Variants in PNMA8A observed in about 807,000 individuals in gnomAD.
The protein encoded by PNMA8A is paraneoplastic antigen-like protein 8A.
A neutral mutation model predicts 26.6 loss-of-function variants in PNMA8A; 17 were observed. That is an observed-to-expected ratio of 0.64 (90% CI 0.44 to 0.96). The LOEUF is 0.96. Among genes scored for constraint, PNMA8A ranks in the 40% least tolerant of loss-of-function variants. The pLI is 0.00. For missense variants in PNMA8A, 532 were observed against 488.4 expected, an observed-to-expected ratio of 1.09 and a Z score of -0.84; for synonymous variants, 224 against 182.0, an observed-to-expected ratio of 1.23 and a Z score of -1.86.
Position 46,467,598 on chromosome 19 carries a change from T to C in PNMA8A, c.*963A>G, listed in dbSNP as rs1340581141. The C allele has an allele frequency of 6.6e-6, 1 of 152,034 alleles. No individual in the cohort carries two copies. The highest frequency in any genetic ancestry group is 2.4e-5 in the African/African-American group (1 of 41,340). 9.4% of individuals were successfully genotyped at this position (152,034 alleles called of 1,614,324 possible). ...CCAGCTAATTTTTGTAGAGATGGGG[T>C]TTCACCATGTTGGTCAAGCTGGTCT... On this transcript the variant is annotated 3_prime_UTR_variant, in exon 3 of 3. Transcript: ENST00000313683.
chr19:46,470,649 C>T lies in PNMA8A; in HGVS notation c.387G>A (p.Gln129=). The T allele has an allele frequency of 6.5e-7, 1 of 1,531,748 alleles. No homozygotes were observed. The highest frequency in any genetic ancestry group is 9.1e-7 in the Non-Finnish European group (1 of 1,104,788). 94.9% of individuals were successfully genotyped at this position (1,531,748 alleles called of 1,614,324 possible). ...RTWEDVVRLL[Q]LNHPTLSQNQ... ...TCTGGGACAGGGTGGGGTGGTTGAG[C>T]TGGAGCAGGCGGACCACATCCTCCC... is the stretch of plus-strand genomic sequence containing the variant. The change falls in exon 2 of 3, where the codon CAG becomes CAA. Residue 129 remains glutamine (Q), a synonymous_variant. Transcript: ENST00000313683.
chr19:46,470,118 G>A lies in PNMA8A; in HGVS notation c.918C>T (p.Pro306=). 6.2e-7 allele frequency: 1 copy of A among 1,607,136 alleles called. No individual in the cohort carries two copies. The change falls in exon 2 of 3, where the codon CCC becomes CCT. Residue 306 remains proline, a synonymous_variant. Coordinates refer to ENST00000313683, the MANE Select transcript of PNMA8A (RefSeq NM_018215.4). ...VNKEELALKK[P]MAKCAWKGPR... ...GACCCTTCCAGGCACATTTCGCCAT[G>A]GGCTTCTTCAAAGCCAACTCCTCCT...
chr19:46,470,187 C>A lies in PNMA8A; in HGVS notation c.849G>T (p.Ala283=). Residue 283 remains alanine (A), a synonymous_variant, in exon 2 of 3, where the codon GCG becomes GCT. Transcript: ENST00000313683. ...TGCTGCCCTTGATCGGCTCTGAGAT[C>A]GCCATGCTTTCAGCATCACCCACCT... The part of the protein sequence containing the change: ...DPEVGDAESM[A]ISEPIKGSRK... The A allele has an allele frequency of 1.2e-6, 2 of 1,614,204 alleles. No individual in the cohort carries two copies. Among genetic ancestry groups the A allele is most frequent in the Non-Finnish European group, 1.7e-6 (2 of 1,180,042 alleles).
Position 46,470,273 on chromosome 19 carries a change from C to G in PNMA8A, c.763G>C (p.Val255Leu), listed in dbSNP as rs1425706349. The G allele has an allele frequency of 6.2e-7, 1 of 1,613,846 alleles. No homozygotes were observed. The highest frequency in any genetic ancestry group is 1.1e-5 in the South Asian group (1 of 91,090). ...KQKKNSRQEA[V>L]PWKKPKGINS... is the part of the protein sequence containing the mutation. Reference sequence around the variant, plus strand: ...ATGCCTTTGGGTTTTTTCCAGGGCACTGCTTCCTGCCTGGAGTTCTTCTTC... The same window carrying G: ...ATGCCTTTGGGTTTTTTCCAGGGCAGTGCTTCCTGCCTGGAGTTCTTCTTC... The change falls in exon 2 of 3, where the codon GTG becomes CTG. Residue 255 changes from valine to leucine, a missense_variant. By Grantham distance (32) the Val-to-Leu change is conservative. Transcript: ENST00000313683.
In PNMA8A at chr19:46,468,318, GAGA is replaced by G. The variant is rs954385326; in HGVS notation, c.*240_*242del. 5.9e-5 allele frequency: 29 copies of G among 489,132 alleles called. No homozygotes were observed. The highest frequency in any genetic ancestry group is 1.8e-4 in the East Asian group (6 of 33,548). 30.3% of individuals were successfully genotyped at this position (489,132 alleles called of 1,614,324 possible). ...TCTTACCAACTCTCCTGCCTCCGAA[GAGA>G]AGGTGAGTAGAGAAGGCGGTGAAAC... is the stretch of plus-strand genomic sequence containing the variant. On this transcript the variant is annotated 3_prime_UTR_variant, in exon 3 of 3. Coordinates refer to ENST00000313683, the MANE Select transcript of PNMA8A (RefSeq NM_018215.4).
At chr19:46,469,000 T>C (rs1453091395) in intron 2 of PNMA8A, among the ~76,000 whole-genome samples, 1 of 152,154 alleles carries the variant, frequency 6.6e-6, no homozygotes, top group East Asian at 1.9e-4. Context: ...CATGCCCAGC[T>C]AATTTTTGTA....
At position 46,470,918 on chromosome 19, in the gene PNMA8A, C is replaced by A. The variant is rs767161962; in HGVS notation, c.118G>T (p.Glu40Ter). ...GAGAGGACCCCATTCAAGGTCTCCT[C>A]AATTTCTGCCTGCCCACAGTCCTCT... ...IPEDCGQAEI[E>*]ETLNGVLSPL... The change falls in exon 2 of 3, where the codon GAG (glutamate) becomes TAG (stop). Residue 40 changes from glutamate to a stop codon, truncating the protein, a stop_gained. Transcript: ENST00000313683. LOFTEE classifies it high-confidence loss of function. 1 of 780,886 alleles carries A rather than the reference C, an allele frequency of 1.3e-6. No homozygotes were observed. The highest frequency in any genetic ancestry group is 2.4e-6 in the Non-Finnish European group (1 of 418,126). The allele number at this position is 780,886 out of a possible 1,614,324, so 48.4% of individuals were successfully genotyped here. A position where few individuals can be genotyped will look rare whatever the true frequency, so the allele number is the denominator to read the frequency against.
rs1398922445 is a variant in PNMA8A at position 46,467,030 on chromosome 19, C to T, written c.*1531G>A. ...GCTTTCAGGGTGTCAGATTATAGAA[C>T]ATGCACAGGAATTTCTTCCACTTCT... On this transcript the variant is annotated 3_prime_UTR_variant, in exon 3 of 3. Transcript: ENST00000313683. 1 of 152,184 alleles carries T rather than the reference C, an allele frequency of 6.6e-6. No individual in the cohort carries two copies. Among genetic ancestry groups the T allele is most frequent in the Non-Finnish European group, 1.5e-5 (1 of 68,034 alleles). The allele number at this position is 152,184 out of a possible 1,614,324, so 9.4% of individuals were successfully genotyped here. A position where few individuals can be genotyped will look rare whatever the true frequency, so the allele number is the denominator to read the frequency against.
chr19:46,471,304 G>T (rs1969790439), intron 1 of PNMA8A, 33 bp downstream of exon 1: 2 of 300,528 alleles, frequency 6.7e-6, no homozygotes, highest in Admixed American at 4.8e-5. Context: ...CCTCCCCCGG[G>T]CCTGACGCTC....
At chr19:46,469,666 C>T (rs1286031348) in intron 2 of PNMA8A, 67 bp downstream of exon 2, 42 of 1,482,630 alleles carry the variant, frequency 2.8e-5, no homozygotes, top group Non-Finnish European at 3.2e-5. Context: ...CCCCACCTGC[C>T]ACTCCTGCTC....
At chr19:46,471,268 G>T (rs1220180274) in intron 1 of PNMA8A, 69 bp downstream of exon 1, 2 of 435,648 alleles carry the variant, frequency 4.6e-6, no homozygotes, top group East Asian at 7.2e-5. Context: ...ACGTGTCCCT[G>T]AATCTGCAGC....
At chr19:46,468,764 G>A (rs1003928572) in intron 2 of PNMA8A, among the ~76,000 whole-genome samples, 187 bp from the exon 3 acceptor site, 4 of 151,914 alleles carry the variant, frequency 2.6e-5, no homozygotes, top group African/African-American at 9.7e-5. Flanking sequence ...ATTTTTTTTG[G>A]GGGGAGGGGG....
Position 46,471,101 on chromosome 19 carries a change from T to C in PNMA8A, c.-66A>G. The C allele has an allele frequency of 1.5e-6, 1 of 672,726 alleles. No homozygotes were observed. Among genetic ancestry groups the C allele is most frequent in the African/African-American group, 1.8e-5 (1 of 56,178 alleles). The allele number at this position is 672,726 out of a possible 1,614,324, so 41.7% of individuals were successfully genotyped here. ...CAGGTGGACGTGGGCTGCAGCGGTCTCCAAACAGTAATCCTGCAAGGTGAC... is the reference window on the plus strand; with the variant it reads ...CAGGTGGACGTGGGCTGCAGCGGTCCCCAAACAGTAATCCTGCAAGGTGAC... On this transcript the variant is annotated 5_prime_UTR_variant, in exon 2 of 3. Coordinates refer to ENST00000313683, the MANE Select transcript of PNMA8A (RefSeq NM_018215.4).
intron 1 of PNMA8A, 99 bp downstream of exon 1, chr19:46,471,238 A>G (rs938715686): frequency 3.0e-5 from 15 of 499,978 alleles, no homozygotes; most frequent in African/African-American, 1.2e-4. Flanking sequence ...CTCCTCCCCA[A>G]CCCAGGCCCC....
At position 46,470,590 on chromosome 19, in the gene PNMA8A, G is replaced by A; in HGVS notation, c.446C>T (p.Ala149Val). The stretch of plus-strand genomic sequence containing the variant: ...CACTGCTCCCAGAAGCACCCCCAGA[G>A]CTTCTGCCCAGTTCTCTGGGGGCTG... ...QHQPPENWAEALGVLLGAVVQ... is the reference protein window; with the variant it reads ...QHQPPENWAEVLGVLLGAVVQ... Residue 149 changes from alanine to valine, a missense_variant, in exon 2 of 3, where the codon GCT becomes GTT. By Grantham distance (64) the Ala-to-Val change is moderately conservative. Coordinates refer to ENST00000313683, the MANE Select transcript of PNMA8A (RefSeq NM_018215.4). The A allele has an allele frequency of 1.2e-6, 2 of 1,614,072 alleles. No homozygotes were observed. The highest frequency in any genetic ancestry group is 1.7e-6 in the Non-Finnish European group (2 of 1,179,986).
Position 46,470,195 on chromosome 19 carries a change from T to A in PNMA8A, c.841A>T (p.Ser281Cys). 6.2e-7 allele frequency: 1 copy of A among 1,614,226 alleles called. No individual in the cohort carries two copies. The highest frequency in any genetic ancestry group is 8.5e-7 in the Non-Finnish European group (1 of 1,180,048). Residue 281 changes from serine to cysteine, a missense_variant, in exon 2 of 3, where the codon AGC (serine) becomes TGC (cysteine). Ser to Cys is a moderately radical substitution (Grantham distance 112). Coordinates refer to ENST00000313683, the MANE Select transcript of PNMA8A (RefSeq NM_018215.4). Reference protein sequence around the residue: ...LEDPEVGDAESMAISEPIKGS... With the variant: ...LEDPEVGDAECMAISEPIKGS... The stretch of plus-strand genomic sequence containing the variant: ...TTGATCGGCTCTGAGATCGCCATGC[T>A]TTCAGCATCACCCACCTCAGGATCC...
Position 46,471,365 on chromosome 19 carries a change from C to T in PNMA8A, c.-108G>A, listed in dbSNP as rs1969791562. On this transcript the variant is annotated 5_prime_UTR_variant, in exon 1 of 3. Coordinates refer to ENST00000313683, the MANE Select transcript of PNMA8A (RefSeq NM_018215.4). ...GCAGATCAGCCTCCGACCGCCCAGC[C>T]AGGCCAAGGAGACGCAGTGGAATGC... 4.8e-6 allele frequency: 1 copy of T among 209,702 alleles called. No individual in the cohort carries two copies. Among genetic ancestry groups the T allele is most frequent in the African/African-American group, 2.3e-5 (1 of 43,500 alleles). The allele number at this position is 209,702 out of a possible 1,614,324, so 13.0% of individuals were successfully genotyped here. A position where few individuals can be genotyped will look rare whatever the true frequency, so the allele number is the denominator to read the frequency against.
In PNMA8A at chr19:46,466,678, CAGG is replaced by C. The variant is rs1200023090; in HGVS notation, c.*1880_*1882del. 6.6e-6 allele frequency: 1 copy of C among 152,148 alleles called. No homozygotes were observed. Among genetic ancestry groups the C allele is most frequent in the African/African-American group, 2.4e-5 (1 of 41,426 alleles). 9.4% of individuals were successfully genotyped at this position (152,148 alleles called of 1,614,324 possible). On this transcript the variant is annotated 3_prime_UTR_variant, in exon 3 of 3. Transcript: ENST00000313683. ...CCTGGGTTTCGCTTGGCACACACCC[CAGG>C]AGAACGTCGATGCACACAGCTGTGT...
In PNMA8A at chr19:46,466,673, C is replaced by T. The variant is rs1969710998; in HGVS notation, c.*1888G>A. ...TCACCCCTGGGTTTCGCTTGGCACA[C>T]ACCCCAGGAGAACGTCGATGCACAC... On this transcript the variant is annotated 3_prime_UTR_variant, in exon 3 of 3. Transcript: ENST00000313683. The T allele has an allele frequency of 6.6e-6, 1 of 152,184 alleles. No individual in the cohort carries two copies. The highest frequency in any genetic ancestry group is 1.5e-5 in the Non-Finnish European group (1 of 68,032). 9.4% of individuals were successfully genotyped at this position (152,184 alleles called of 1,614,324 possible). A position where few individuals can be genotyped will look rare whatever the true frequency, so the allele number is the denominator to read the frequency against.
Sources: allele counts gnomAD v4.1 joint callset (sites outside exome capture counted in the v4.1 genomes callset), GRCh38; gene constraint gnomAD v4.1.1; transcripts MANE v1.5; gene names NCBI Gene and HGNC (gene_info 2026-07-23, HGNC 2026-07-21).